Variants in NEK5 observed in about 807,000 individuals in gnomAD.
The protein encoded by NEK5 is NIMA related kinase 5, also known as serine/threonine-protein kinase Nek5.
NEK5 carries 88 observed loss-of-function variants against 109.2 expected under a neutral mutation model. That is an observed-to-expected ratio of 0.81 (90% CI 0.68 to 0.96). The LOEUF is 0.96. NEK5 is among the 40% of genes least tolerant of loss of function. NEK5 has a pLI of 0.00. For missense variants in NEK5, 834 were observed against 920.7 expected, an observed-to-expected ratio of 0.91 and a Z score of 1.22; for synonymous variants, 283 against 299.9, an observed-to-expected ratio of 0.94 and a Z score of 0.58.
In NEK5 at chr13:52,120,948, T is replaced by C. The variant is rs1179426098; in HGVS notation, c.118-1533A>G. Among the ~76,000 whole-genome samples the C allele has an allele frequency of 2.0e-5, 3 of 147,030 alleles. No individual in the cohort carries two copies. The East Asian group carries it at 5.9e-4, about 29-fold the overall frequency. On this transcript the variant is annotated intron_variant, in intron 3 of 23. Coordinates refer to ENST00000684899, the MANE Select transcript of NEK5 (RefSeq NM_001365552.1). ...AAAAGGAATAAAAGCTAAAACAAAATGTAATATAGTATTCCATGTATGAAA... is the reference window on the plus strand; with the variant it reads ...AAAAGGAATAAAAGCTAAAACAAAACGTAATATAGTATTCCATGTATGAAA...
intron 5 of NEK5, 88 bp downstream of exon 5, chr13:52,112,180 A>G: frequency 1.6e-6 from 1 of 618,478 alleles, no homozygotes; most frequent in East Asian, 2.7e-5. Context: ...GCTTTATATC[A>G]ACATAGTCTA....
At chr13:52,093,262 T>A in intron 12 of NEK5, 27 bp from the exon 13 acceptor site, 1 of 1,568,288 alleles carries the variant, frequency 6.4e-7, no homozygotes, top group South Asian at 1.1e-5. Context: ...GGGATGTTTT[T>A]AAAAACCATA....
intron 5 of NEK5, among the ~76,000 whole-genome samples, chr13:52,111,883 A>G (rs1955765478): frequency 6.6e-6 from 1 of 152,216 alleles, no homozygotes; most frequent in Non-Finnish European, 1.5e-5. Flanking sequence ...TGGGATATCT[A>G]GTTTAAAACA....
chr13:52,053,095 G>A (rs1026848186), intron 22 of NEK5, among the ~76,000 whole-genome samples: 2 of 152,154 alleles, frequency 1.3e-5, no homozygotes, highest in Non-Finnish European at 2.9e-5. Context: ...GAGGTCAGGA[G>A]TTCAAAACCA....
intron 3 of NEK5, among the ~76,000 whole-genome samples, chr13:52,125,912 T>A (rs980443158): frequency 6.6e-6 from 1 of 152,188 alleles, no homozygotes; most frequent in African/African-American, 2.4e-5. Flanking sequence ...AGACCTATAT[T>A]GGGAAATAAA....
intron 1 of NEK5, among the ~76,000 whole-genome samples, chr13:52,128,166 A>G (rs1014926315): frequency 6.6e-6 from 1 of 152,130 alleles, no homozygotes; most frequent in Non-Finnish European, 1.5e-5. Flanking sequence ...TCGAAATGCT[A>G]AGTATTTTTG....
intron 4 of NEK5, 97 bp from the exon 5 acceptor site, chr13:52,112,462 C>A: frequency 1.3e-6 from 1 of 753,114 alleles, no homozygotes; most frequent in South Asian, 1.8e-5. Context: ...TCTAATTCCA[C>A]TATACCATTT....
At chr13:52,095,498 A>C (rs1331829401) in intron 12 of NEK5, among the ~76,000 whole-genome samples, 2 of 152,240 alleles carry the variant, frequency 1.3e-5, no homozygotes, top group East Asian at 3.8e-4. Context: ...TTCGTAATTT[A>C]ATTCATCCTC....
intron 1 of NEK5, chr13:52,128,792 A>G (rs1956118964): frequency 2.0e-5 from 3 of 152,226 alleles, no homozygotes; most frequent in Admixed American, 2.0e-4. Flanking sequence ...CGCCCCTGGA[A>G]GCGGCCGCGG....
At position 52,088,546 on chromosome 13, in the gene NEK5, C is replaced by A. The variant is rs192782882; in HGVS notation, c.1275+701G>T. Among the ~76,000 whole-genome samples, 6 of 152,136 alleles carry A rather than the reference C, an allele frequency of 3.9e-5. No individual in the cohort carries two copies. The East Asian group carries it at 9.8e-4, about 25-fold the overall frequency. On this transcript the variant is annotated intron_variant, in intron 14 of 23. Coordinates refer to ENST00000684899, the MANE Select transcript of NEK5 (RefSeq NM_001365552.1). ...GGGATTACAGGCATGAGCCACCGCA[C>A]CTGGCCCCTTGTCACTTTTTTTAAT...
Position 52,041,840 on chromosome 13 carries a change from T to C in NEK5, c.2229-4622A>G, listed in dbSNP as rs190190257. On this transcript the variant is annotated intron_variant, in intron 23 of 23. Transcript: ENST00000684899. ...GAGATAATTGAGAAGATAAAAAATA[T>C]ATCTAATATCTAATTGGAGAATCAA... Among the ~76,000 whole-genome samples the C allele has an allele frequency of 2.2e-4, 33 of 148,414 alleles. 1 individual carries two copies. Among genetic ancestry groups the C allele is most frequent in the Non-Finnish European group, 1.8e-4 (12 of 67,476 alleles).
intron 22 of NEK5, among the ~76,000 whole-genome samples, chr13:52,053,855 G>A (rs1954529315): frequency 6.6e-6 from 1 of 152,142 alleles, no homozygotes. Context: ...TCTCCCCACT[G>A]CTAGCGCTGA....
At chr13:52,060,380 G>A (rs1398180443) in intron 22 of NEK5, among the ~76,000 whole-genome samples, 1 of 151,764 alleles carries the variant, frequency 6.6e-6, no homozygotes, top group African/African-American at 2.4e-5. Flanking sequence ...TTTAGACAAA[G>A]TCCCACTCTT....
chr13:52,050,727 T>C (rs575774541), intron 22 of NEK5, among the ~76,000 whole-genome samples: 155 of 150,278 alleles, frequency 1.0e-3, no homozygotes, highest in African/African-American at 3.6e-3. Flanking sequence ...TTTCTTTTTT[T>C]TTTTTTTTTT....
intron 22 of NEK5, among the ~76,000 whole-genome samples, chr13:52,051,992 C>T (rs1456849048): frequency 6.6e-6 from 1 of 152,176 alleles, no homozygotes; most frequent in Non-Finnish European, 1.5e-5. Context: ...TGCAGATTCA[C>T]TGAGCCAGAC....
intron 8 of NEK5, among the ~76,000 whole-genome samples, chr13:52,106,547 C>T (rs1194299644): frequency 6.6e-6 from 1 of 152,058 alleles, no homozygotes; most frequent in African/African-American, 2.4e-5. Flanking sequence ...GGGCAGATCA[C>T]CTGAGGTCAA....
chr13:52,111,483 T>C (rs1161562345), intron 5 of NEK5, among the ~76,000 whole-genome samples: 1 of 152,218 alleles, frequency 6.6e-6, no homozygotes, highest in East Asian at 1.9e-4. Context: ...AAGTTAGAGA[T>C]ATTGATTTTT....
intron 23 of NEK5, among the ~76,000 whole-genome samples, chr13:52,045,615 A>G (rs1954451337): frequency 6.8e-6 from 1 of 146,622 alleles, no homozygotes; most frequent in Admixed American, 6.8e-5. Flanking sequence ...AATACAAAAA[A>G]TTAGCCGGGC....
intron 8 of NEK5, among the ~76,000 whole-genome samples, chr13:52,105,433 G>C (rs1469073441): frequency 4.0e-5 from 6 of 151,778 alleles, no homozygotes; most frequent in Admixed American, 3.9e-4. Flanking sequence ...TGCTCAGGCT[G>C]GTCTCAAACT....
Sources: gnomAD v4.1 joint callset for allele counts (sites outside exome capture counted in the v4.1 genomes callset) on GRCh38, gnomAD v4.1.1 for gene constraint, MANE v1.5 for transcripts, NCBI Gene and HGNC (gene_info 2026-07-23, HGNC 2026-07-21) for gene names.